GSN: variants seen among roughly 807,000 people sequenced by gnomAD.
The protein encoded by GSN is gelsolin.
In GSN, 56 loss-of-function variants were observed where a neutral mutation model predicts 85.7. The observed-to-expected ratio is 0.65, with a 90% CI of 0.53 to 0.82. GSN has a LOEUF of 0.82. Ranked by LOEUF, GSN falls within the 40% of genes least tolerant of loss-of-function variation. The probability of loss-of-function intolerance (pLI) is 0.00; values close to 1 mark genes in which losing one functional copy is unlikely to be tolerated. For synonymous variants in GSN, 373 were observed against 399.1 expected (o/e 0.93, Z 0.78); for missense variants, 857 against 979.8 (o/e 0.87, Z 1.67).
At chr9:121,285,838 A>C (rs1161225909) in intron 2 of GSN, among the ~76,000 whole-genome samples, 3 of 152,210 alleles carry the variant, frequency 2.0e-5, no homozygotes, top group Admixed American at 6.5e-5. Context: ...AAGCAGGAAA[A>C]GGGCCTCCTC....
chr9:121,299,958 G>C lies in GSN; in HGVS notation c.-9-2005G>C. 7.8e-7 allele frequency: 1 copy of C among 1,281,268 alleles called. No homozygotes were observed. Among genetic ancestry groups the C allele is most frequent in the Non-Finnish European group, 9.9e-7 (1 of 1,012,578 alleles). The allele number at this position is 1,281,268 out of a possible 1,614,324, so 79.4% of individuals were successfully genotyped here. A position where few individuals can be genotyped will look rare whatever the true frequency, so the allele number is the denominator to read the frequency against. On this transcript the variant is annotated intron_variant, in intron 2 of 17. Transcript: ENST00000432226. The surrounding 1 kb of genome is among the most constrained non-coding windows in gnomAD (Gnocchi z 4.2). ...CGTCCGCGCGGCCACTGCGTCGCGGGGGGCGTCCCAGGCGGGGGCGCCCCA... is the reference window on the plus strand; with the variant it reads ...CGTCCGCGCGGCCACTGCGTCGCGGCGGGCGTCCCAGGCGGGGGCGCCCCA...
At chr9:121,237,916 T>G (rs1463556096) in intron 5 of GSN, among the ~76,000 whole-genome samples, 1 of 152,242 alleles carries the variant, frequency 6.6e-6, no homozygotes. Context: ...ACCCAGGTTT[T>G]CTGAATAGGG....
chr9:121,293,143 G>T (rs1003778222), intron 2 of GSN, among the ~76,000 whole-genome samples: 9 of 152,228 alleles, frequency 5.9e-5, no homozygotes, highest in African/African-American at 1.7e-4. Context: ...CGGGAAGGTG[G>T]TTGGCCTGGG....
At chr9:121,300,021 G>GC in intron 2 of GSN, 1 of 1,509,238 alleles carries the variant, frequency 6.6e-7, no homozygotes, top group African/African-American at 1.4e-5. Flanking sequence ...TGCCCGGGGG[G>GC]CCCCGGGGCT....
intron 6 of GSN, among the ~76,000 whole-genome samples, chr9:121,249,581 A>G (rs916576682): frequency 6.6e-6 from 1 of 152,156 alleles, no homozygotes; most frequent in African/African-American, 2.4e-5. Context: ...TTCAGAGGAT[A>G]TATTTCTATT....
In GSN at chr9:121,261,698, T is replaced by A. The variant is rs1432520979; in HGVS notation, c.-340-3456T>A. Among the ~76,000 whole-genome samples, 2 of 152,228 alleles carry A rather than the reference T, an allele frequency of 1.3e-5. No homozygotes were observed. The highest frequency in any genetic ancestry group is 2.9e-5 in the Non-Finnish European group (2 of 68,030). On this transcript the variant is annotated intron_variant, in intron 6 of 24. Transcript: ENST00000373823. The surrounding 1 kb of genome is among the most constrained non-coding windows in gnomAD (Gnocchi z 4.1). ...CTCCCGTAACTCAGTGGATGTACCCTGTATCCCTGACACACTGGCTCAAGC... is the reference window on the plus strand; with the variant it reads ...CTCCCGTAACTCAGTGGATGTACCCAGTATCCCTGACACACTGGCTCAAGC...
intron 2 of GSN, chr9:121,209,512 G>A (rs1220150473): frequency 6.6e-6 from 1 of 152,142 alleles, no homozygotes; most frequent in African/African-American, 2.4e-5. Context: ...AAACTGACAA[G>A]TCAGAAATCA....
chr9:121,305,223 A>T (rs1041296456), intron 4 of GSN, among the ~76,000 whole-genome samples: 1 of 152,126 alleles, frequency 6.6e-6, no homozygotes, highest in African/African-American at 2.4e-5. Context: ...ACAAGATCTC[A>T]TTTAATTCTC....
chr9:121,310,962 A>G, intron 5 of GSN, 117 bp downstream of exon 5: 1 of 879,870 alleles, frequency 1.1e-6, no homozygotes, highest in Non-Finnish European at 1.9e-6. Context: ...CACAGGGACC[A>G]GCATTGTTCA....
At chr9:121,242,549 C>G (rs2054625288) in intron 5 of GSN, among the ~76,000 whole-genome samples, 1 of 152,118 alleles carries the variant, frequency 6.6e-6, no homozygotes, top group Non-Finnish European at 1.5e-5. Flanking sequence ...GAGTCTGGTC[C>G]AAGGTTTTTA....
intron 4 of GSN, among the ~76,000 whole-genome samples, chr9:121,224,378 C>T (rs182496231): frequency 2.6e-5 from 4 of 152,294 alleles, no homozygotes; most frequent in East Asian, 1.9e-4. Context: ...GGATTACAGG[C>T]GTGAGCCACC....
Position 121,317,140 on chromosome 9 carries a change from T to C in GSN, c.808T>C (p.Phe270Leu). The change falls in exon 8 of 18, where the codon TTC becomes CTC. Residue 270 changes from phenylalanine to leucine, a missense_variant. By Grantham distance (22) the Phe-to-Leu change is conservative. Coordinates refer to ENST00000432226, the MANE Select transcript of GSN (RefSeq NM_198252.3). ...CTCCCTCGTGGCTGATGAGAACCCCTTCGCCCAGGGGGCCCTGAAGTCAGA... is the reference window on the plus strand; with the variant it reads ...CTCCCTCGTGGCTGATGAGAACCCCCTCGCCCAGGGGGCCCTGAAGTCAGA... ...SVSLVADENP[F>L]AQGALKSEDC... The C allele has an allele frequency of 6.2e-7, 1 of 1,614,154 alleles. No individual in the cohort carries two copies. The highest frequency in any genetic ancestry group is 1.1e-5 in the South Asian group (1 of 91,078).
At chr9:121,209,995 C>T (rs572703578) in intron 2 of GSN, among the ~76,000 whole-genome samples, 6 of 152,148 alleles carry the variant, frequency 3.9e-5, no homozygotes, top group East Asian at 1.9e-4. Context: ...CATACACGCA[C>T]GCATACATGC....
At chr9:121,258,609 A>G (rs1343442886) in intron 6 of GSN, among the ~76,000 whole-genome samples, 3 of 152,236 alleles carry the variant, frequency 2.0e-5, no homozygotes, top group African/African-American at 7.2e-5. Flanking sequence ...TCTTAGCCTT[A>G]CTAATTAACG....
At chr9:121,243,545 G>A (rs191755359) in intron 5 of GSN, among the ~76,000 whole-genome samples, 1 of 152,048 alleles carries the variant, frequency 6.6e-6, no homozygotes, top group Non-Finnish European at 1.5e-5. Flanking sequence ...CAAGGTCAGG[G>A]TTATTGAGGT....
At chr9:121,312,598 C>T in intron 6 of GSN, 110 bp downstream of exon 6, 1 of 793,458 alleles carries the variant, frequency 1.3e-6, no homozygotes, top group Non-Finnish European at 1.9e-6. Context: ...AACTTCCGCT[C>T]TACCCCACCT....
At chr9:121,327,222 G>T in intron 13 of GSN, 86 bp from the exon 14 acceptor site, 1 of 1,079,950 alleles carries the variant, frequency 9.3e-7, no homozygotes, top group Non-Finnish European at 1.4e-6. Context: ...CTGAGAGCTA[G>T]TCCTGCTGCG....
At chr9:121,218,702 A>C (rs924318140) in intron 4 of GSN, among the ~76,000 whole-genome samples, 2 of 152,192 alleles carry the variant, frequency 1.3e-5, no homozygotes, top group Non-Finnish European at 2.9e-5. Flanking sequence ...TGGTTACAGG[A>C]GCTTGTTGCA....
chr9:121,325,711 G>A (rs1246683941), intron 12 of GSN, among the ~76,000 whole-genome samples: 1 of 152,114 alleles, frequency 6.6e-6, no homozygotes, highest in Non-Finnish European at 1.5e-5. Flanking sequence ...CCTGACCTTT[G>A]ACTATGATAG....
Sources: gnomAD v4.1 joint callset for allele counts (sites outside exome capture counted in the v4.1 genomes callset) on GRCh38, gnomAD v4.1.1 for gene constraint, Gnocchi (gnomAD v3.1) non-coding constraint, MANE v1.5 for transcripts, NCBI Gene and HGNC (gene_info 2026-07-23, HGNC 2026-07-21) for gene names.